MOV10L1: variants seen among roughly 807,000 people sequenced by gnomAD.
MOV10L1 encodes Mov10 like RNA helicase 1.
MOV10L1 carries 110 observed loss-of-function variants against 143.8 expected under a neutral mutation model. That is an observed-to-expected ratio of 0.76 (90% CI 0.66 to 0.90). The LOEUF is 0.90. Ranked by LOEUF, MOV10L1 falls within the 40% of genes least tolerant of loss-of-function variation. The pLI is 0.00. For missense variants in MOV10L1, 1,406 were observed against 1,526.8 expected (o/e 0.92, Z 1.32); for synonymous variants, 593 against 581.1 (o/e 1.02, Z -0.29).
At position 50,126,248 on chromosome 22, in the gene MOV10L1, C is replaced by G; in HGVS notation, c.1794C>G (p.Ile598Met). The change falls in exon 12 of 27, where the codon ATC (isoleucine) becomes ATG (methionine). Residue 598 changes from isoleucine to methionine, a missense_variant. Around this residue, in one of 3 missense-constraint regions of MOV10L1, gnomAD observed 1,233 missense variants for 1,351.4 expected, o/e 0.91. Transcript: ENST00000262794. ...LKTQEYNGHA[I>M]EYISYVTEIH... ...CTCAAGAGTACAATGGACATGCCAT[C>G]GAATACATCAGCTACGTGACTGAGG... The G allele has an allele frequency of 6.2e-7, 1 of 1,612,350 alleles. No homozygotes were observed. The highest frequency in any genetic ancestry group is 8.5e-7 in the Non-Finnish European group (1 of 1,178,468).
In MOV10L1 at chr22:50,106,249, C is replaced by T. The variant is rs1288595354; in HGVS notation, c.443-1887C>T. On this transcript the variant is annotated intron_variant, in intron 3 of 26. Transcript: ENST00000262794. ...TGTAGCTCACTGCAGCCTGGAATTC[C>T]TGGGCTTAAGTCATCCCACCTTAGC... is the stretch of plus-strand genomic sequence containing the variant. Among the ~76,000 whole-genome samples the T allele has an allele frequency of 4.0e-5, 6 of 151,570 alleles. No homozygotes were observed. In the East Asian group the frequency reaches 1.2e-3, roughly 29 times the overall value.
chr22:50,102,832 C>T (rs1459573788), intron 3 of MOV10L1, among the ~76,000 whole-genome samples: 3 of 151,918 alleles, frequency 2.0e-5, no homozygotes, highest in East Asian at 3.9e-4. Context: ...ACCTGGGAGG[C>T]AGAGGTTGCG....
intron 15 of MOV10L1, among the ~76,000 whole-genome samples, chr22:50,136,077 A>G (rs374987478): frequency 4.6e-5 from 7 of 152,242 alleles, no homozygotes; most frequent in African/African-American, 1.4e-4. Context: ...TAGAATGCCT[A>G]TACAATCATG....
intron 2 of MOV10L1, among the ~76,000 whole-genome samples, chr22:50,092,555 T>C (rs990640882): frequency 3.1e-4 from 47 of 152,112 alleles, no homozygotes; most frequent in Non-Finnish European, 8.8e-5. Context: ...GGAGGATCGC[T>C]TGAGCCCAGA....
intron 3 of MOV10L1, among the ~76,000 whole-genome samples, chr22:50,105,505 G>A (rs1042812741): frequency 6.6e-6 from 1 of 152,142 alleles, no homozygotes; most frequent in Non-Finnish European, 1.5e-5. Flanking sequence ...GGCTCCTGAG[G>A]CCTCATTATT....
intron 5 of MOV10L1, among the ~76,000 whole-genome samples, chr22:50,110,814 C>T (rs2062004104): frequency 6.6e-6 from 1 of 152,028 alleles, no homozygotes; most frequent in South Asian, 2.1e-4. Context: ...ACCCTTAATC[C>T]CAGCTACTCT....
chr22:50,150,975 C>T (rs946150246), intron 21 of MOV10L1, 76 bp downstream of exon 21: 16 of 1,563,194 alleles, frequency 1.0e-5, no homozygotes, highest in African/African-American at 2.7e-5. Flanking sequence ...GCAGCTCACT[C>T]TTCTGTCCAC....
chr22:50,136,937 G>A (rs774396076), intron 15 of MOV10L1, among the ~76,000 whole-genome samples: 2 of 152,170 alleles, frequency 1.3e-5, no homozygotes, highest in Non-Finnish European at 2.9e-5. Context: ...ATCCATGGGA[G>A]GGTGTTGTCT....
At chr22:50,145,142 A>T (rs1224483206) in intron 18 of MOV10L1, among the ~76,000 whole-genome samples, 1 of 151,274 alleles carries the variant, frequency 6.6e-6, no homozygotes, top group East Asian at 2.0e-4. Flanking sequence ...GGGTTTCACC[A>T]TGTTGGTCAG....
intron 5 of MOV10L1, among the ~76,000 whole-genome samples, chr22:50,113,319 G>T (rs1229851707): frequency 6.6e-6 from 1 of 152,224 alleles, no homozygotes; most frequent in Non-Finnish European, 1.5e-5. Flanking sequence ...GAGTTGGCTG[G>T]AGAGAAGAGG....
chr22:50,129,479 G>A (rs2062610765), intron 13 of MOV10L1, among the ~76,000 whole-genome samples: 1 of 152,200 alleles, frequency 6.6e-6, no homozygotes, highest in African/African-American at 2.4e-5. Context: ...TGTAACTGCT[G>A]TTCATTGGTT....
intron 15 of MOV10L1, among the ~76,000 whole-genome samples, chr22:50,137,832 TTATA>T (rs550687880): frequency 1.5e-5 from 1 of 64,764 alleles, no homozygotes; most frequent in Non-Finnish European, 3.9e-5. Flanking sequence ...TATACATATT[TTATA>T]TATACATATA....
chr22:50,137,727 C>CAT (rs990739488), intron 15 of MOV10L1, among the ~76,000 whole-genome samples: 1 of 118,704 alleles, frequency 8.4e-6, no homozygotes, highest in African/African-American at 2.7e-5. Flanking sequence ...TGTATATACA[C>CAT]ATATATATAT....
chr22:50,123,172 G>T (rs2062399420), intron 10 of MOV10L1, among the ~76,000 whole-genome samples: 1 of 145,168 alleles, frequency 6.9e-6, no homozygotes, highest in African/African-American at 2.5e-5. Flanking sequence ...CTCCAGCCTT[G>T]GTGACAGAGG....
At chr22:50,145,927 A>G (rs1326619065) in intron 19 of MOV10L1, 117 bp downstream of exon 19, 5 of 1,475,084 alleles carry the variant, frequency 3.4e-6, no homozygotes, top group African/African-American at 1.4e-5. Flanking sequence ...GGAGGGAGGC[A>G]GGGCTGTGGG....
At chr22:50,145,870 C>G in intron 19 of MOV10L1, 60 bp downstream of exon 19, 1 of 1,601,488 alleles carries the variant, frequency 6.2e-7, no homozygotes. Flanking sequence ...GGAGTCCTCT[C>G]CTAGCTTCTG....
chr22:50,116,816 C>T (rs770190267), intron 8 of MOV10L1, among the ~76,000 whole-genome samples: 12 of 151,720 alleles, frequency 7.9e-5, no homozygotes, highest in African/African-American at 9.7e-5. Flanking sequence ...CCTCCATGTC[C>T]GGCTAATTTG....
intron 15 of MOV10L1, among the ~76,000 whole-genome samples, chr22:50,137,740 TA>T (rs1218489522): frequency 1.6e-4 from 18 of 110,516 alleles, no homozygotes; most frequent in Admixed American, 9.8e-4. Context: ...ATATATATTT[TA>T]TATATATACA....
intron 10 of MOV10L1, among the ~76,000 whole-genome samples, chr22:50,123,574 TGAG>T (rs2062413625): frequency 3.9e-5 from 6 of 152,358 alleles, no homozygotes; most frequent in African/African-American, 1.4e-4. Context: ...AGTATCGTGT[TGAG>T]GATTTTTTCA....
Sources: gnomAD v4.1 joint callset for allele counts (sites outside exome capture counted in the v4.1 genomes callset) on GRCh38, gnomAD v4.1.1 for gene constraint, gnomAD v4.1.1 regional missense constraint, MANE v1.5 for transcripts, NCBI Gene and HGNC (gene_info 2026-07-23, HGNC 2026-07-21) for gene names.